GLG1: variants seen among roughly 807,000 people sequenced by gnomAD.
GLG1 encodes Golgi apparatus protein 1.
GLG1 carries 38 observed loss-of-function variants against 160.5 expected under a neutral mutation model. The observed-to-expected ratio is 0.24, with a 90% CI of 0.18 to 0.31. The LOEUF (loss-of-function observed/expected upper bound fraction) is 0.31. GLG1 is among the 10% of genes least tolerant of loss of function. The probability of loss-of-function intolerance (pLI) is 1.00; values close to 1 mark genes in which losing one functional copy is unlikely to be tolerated. For missense variants in GLG1, 1,373 were observed against 1,505.2 expected, an observed-to-expected ratio of 0.91 and a Z score of 1.45; for synonymous variants, 644 against 543.4, an observed-to-expected ratio of 1.19 and a Z score of -2.57.
At chr16:74,569,498 T>C (rs2018759849) in intron 1 of GLG1, among the ~76,000 whole-genome samples, 1 of 152,154 alleles carries the variant, frequency 6.6e-6, no homozygotes, top group Non-Finnish European at 1.5e-5. Flanking sequence ...CTGATTCCAG[T>C]TTCAAATACA....
chr16:74,522,146 T>C (rs2017184532), intron 2 of GLG1, among the ~76,000 whole-genome samples: 1 of 152,224 alleles, frequency 6.6e-6, no homozygotes, highest in East Asian at 1.9e-4. Context: ...GAAAGGGAAA[T>C]TAAGAAGTTA....
intron 10 of GLG1, among the ~76,000 whole-genome samples, chr16:74,481,292 G>C (rs1266245696): frequency 2.0e-5 from 3 of 152,138 alleles, no homozygotes; most frequent in African/African-American, 7.2e-5. Flanking sequence ...TCTGAATCTG[G>C]AGACAGTGGA....
intron 1 of GLG1, among the ~76,000 whole-genome samples, chr16:74,547,400 C>T (rs1326732416): frequency 2.0e-5 from 3 of 151,828 alleles, no homozygotes; most frequent in Non-Finnish European, 4.4e-5. Context: ...AAGTAATTGC[C>T]TCCAAAATAG....
chr16:74,470,082 TA>T lies in GLG1; in HGVS notation c.2230-10del. ...AAATCCTTCATCTGCACCTGAAAGG[TA>T]AAGAGAAAGAAAGTCAGAAGTTTTG... On this transcript the variant is annotated splice_polypyrimidine_tract_variant and intron_variant, in intron 15 of 25. Coordinates refer to ENST00000422840, the MANE Select transcript of GLG1 (RefSeq NM_001145667.2). 2 of 1,569,700 alleles carry T rather than the reference TA, an allele frequency of 1.3e-6. No individual in the cohort carries two copies. The highest frequency in any genetic ancestry group is 1.3e-5 in the African/African-American group (1 of 74,218).
At chr16:74,558,463 A>C (rs537661096) in intron 1 of GLG1, among the ~76,000 whole-genome samples, 2 of 152,238 alleles carry the variant, frequency 1.3e-5, no homozygotes, top group Non-Finnish European at 2.9e-5. Flanking sequence ...TATACCAAAA[A>C]GGTTAAGTAT....
chr16:74,482,915 C>T, intron 10 of GLG1, 108 bp downstream of exon 10: 1 of 718,966 alleles, frequency 1.4e-6, no homozygotes, highest in Non-Finnish European at 2.5e-6. Flanking sequence ...TGTCCCAGAA[C>T]TGAACAAAAA....
At chr16:74,458,668 T>C (rs1172128639) in intron 23 of GLG1, among the ~76,000 whole-genome samples, 1 of 152,104 alleles carries the variant, frequency 6.6e-6, no homozygotes, top group Non-Finnish European at 1.5e-5. Context: ...AGTGTGACCC[T>C]ATCTCAAAGA....
chr16:74,515,639 A>G (rs947460911), intron 2 of GLG1, among the ~76,000 whole-genome samples: 1 of 151,808 alleles, frequency 6.6e-6, no homozygotes, highest in African/African-American at 2.4e-5. Flanking sequence ...CCAACATGGC[A>G]CATGTATACA....
At chr16:74,473,194 G>C (rs1042910797) in intron 13 of GLG1, among the ~76,000 whole-genome samples, 1 of 151,962 alleles carries the variant, frequency 6.6e-6, no homozygotes, top group African/African-American at 2.4e-5. Context: ...AGTGCTTTAT[G>C]AGGGTTTCTA....
At chr16:74,513,383 A>T (rs1410593823) in intron 2 of GLG1, among the ~76,000 whole-genome samples, 1 of 152,164 alleles carries the variant, frequency 6.6e-6, no homozygotes, top group African/African-American at 2.4e-5. Context: ...GACACCTCCC[A>T]GTAGGGGCCA....
intron 1 of GLG1, among the ~76,000 whole-genome samples, chr16:74,591,613 G>C (rs569399861): frequency 1.3e-4 from 20 of 152,198 alleles, no homozygotes; most frequent in African/African-American, 4.8e-4. Context: ...GGGAGACAGA[G>C]CAAGACTCTG....
intron 7 of GLG1, among the ~76,000 whole-genome samples, chr16:74,492,182 C>T (rs1756609021): frequency 6.8e-6 from 1 of 146,636 alleles, no homozygotes; most frequent in Non-Finnish European, 1.5e-5. Flanking sequence ...GTCAGGAGAT[C>T]GAGACTATCA....
At chr16:74,544,107 GAAA>G (rs1380681269) in intron 1 of GLG1, among the ~76,000 whole-genome samples, 1 of 152,174 alleles carries the variant, frequency 6.6e-6, no homozygotes, top group Non-Finnish European at 1.5e-5. Flanking sequence ...GTCAATGGTT[GAAA>G]ATGTATTAGC....
chr16:74,562,119 T>C (rs1217027093), intron 1 of GLG1, among the ~76,000 whole-genome samples: 5 of 152,232 alleles, frequency 3.3e-5, no homozygotes, highest in South Asian at 2.1e-4. Flanking sequence ...GAAAATGTGT[T>C]TCCCTCACGG....
intron 2 of GLG1, among the ~76,000 whole-genome samples, chr16:74,527,180 C>CA (rs1354684784): frequency 1.3e-5 from 2 of 149,166 alleles, no homozygotes; most frequent in Non-Finnish European, 3.0e-5. Context: ...CTACTGTTGT[C>CA]ATATATTTTA....
chr16:74,472,302 T>G, intron 14 of GLG1, 47 bp downstream of exon 14: 1 of 1,283,698 alleles, frequency 7.8e-7, no homozygotes, highest in Non-Finnish European at 1.1e-6. Context: ...AGAGTCCCTG[T>G]CAATTTGTTT....
At chr16:74,459,607 G>T in intron 23 of GLG1, 75 bp downstream of exon 23, 1 of 765,708 alleles carries the variant, frequency 1.3e-6, no homozygotes, top group Non-Finnish European at 2.2e-6. Context: ...AAGGTAGGCA[G>T]ACTACAGCAT....
At chr16:74,465,043 T>C (rs981738282) in intron 19 of GLG1, among the ~76,000 whole-genome samples, 1 of 152,138 alleles carries the variant, frequency 6.6e-6, no homozygotes, top group Non-Finnish European at 1.5e-5. Context: ...TTCACCATGT[T>C]GGCCAGGCTG....
intron 11 of GLG1, 90 bp downstream of exon 11, chr16:74,480,151 C>A (rs1403645758): frequency 1.8e-6 from 2 of 1,094,352 alleles, no homozygotes; most frequent in East Asian, 4.7e-5. Flanking sequence ...AAAAGTTTTC[C>A]TAATATGACT....
Sources: allele counts gnomAD v4.1 joint callset (sites outside exome capture counted in the v4.1 genomes callset), GRCh38; gene constraint gnomAD v4.1.1; transcripts MANE v1.5; gene names NCBI Gene and HGNC (gene_info 2026-07-23, HGNC 2026-07-21).